ARHGAP24: variants seen among roughly 807,000 people sequenced by gnomAD.
ARHGAP24 encodes Rho GTPase activating protein 24.
In ARHGAP24, 50 loss-of-function variants were observed where a neutral mutation model predicts 76.4. The ratio of observed to expected loss-of-function variants is 0.65; its 90% CI spans 0.52 to 0.83. The LOEUF (loss-of-function observed/expected upper bound fraction) is 0.83. Ranked by LOEUF, ARHGAP24 falls within the 40% of genes least tolerant of loss-of-function variation. The pLI is 0.00. For missense variants in ARHGAP24, 930 were observed against 914.2 expected, an observed-to-expected ratio of 1.02 and a Z score of -0.22; for synonymous variants, 345 against 323.3, an observed-to-expected ratio of 1.07 and a Z score of -0.72.
intron 5 of ARHGAP24, among the ~76,000 whole-genome samples, chr4:85,971,630 T>C (rs750587674): frequency 6.6e-6 from 1 of 152,198 alleles, no homozygotes; most frequent in Non-Finnish European, 1.5e-5. Flanking sequence ...ATTCCAATTA[T>C]ACTGTTTTAG....
chr4:85,575,352 A>T (rs1727328766), intron 2 of ARHGAP24, among the ~76,000 whole-genome samples: 2 of 152,204 alleles, frequency 1.3e-5, no homozygotes, highest in Admixed American at 6.5e-5. Flanking sequence ...ACAGGCCACT[A>T]CTATAAACAT....
chr4:85,834,275 T>C (rs938676344), intron 3 of ARHGAP24, among the ~76,000 whole-genome samples: 3 of 152,184 alleles, frequency 2.0e-5, no homozygotes, highest in Non-Finnish European at 4.4e-5. Flanking sequence ...CCTTCTTCCA[T>C]AGGACCTAAC....
chr4:85,899,673 T>C (rs1192659875), intron 3 of ARHGAP24, among the ~76,000 whole-genome samples: 1 of 152,202 alleles, frequency 6.6e-6, no homozygotes, highest in Non-Finnish European at 1.5e-5. Context: ...AATTTGTAAG[T>C]GTAGCTTCTT....
intron 3 of ARHGAP24, among the ~76,000 whole-genome samples, chr4:85,814,901 C>G (rs1438369878): frequency 1.3e-5 from 2 of 152,222 alleles, no homozygotes; most frequent in African/African-American, 2.4e-5. Flanking sequence ...AACCTTCTGC[C>G]TGAGCATCCA....
intron 5 of ARHGAP24, among the ~76,000 whole-genome samples, chr4:85,946,366 G>A (rs1167440631): frequency 6.6e-6 from 1 of 152,052 alleles, no homozygotes; most frequent in Non-Finnish European, 1.5e-5. Context: ...TTGCGTACAG[G>A]TTTGTTACAA....
chr4:85,863,475 G>T (rs774728080), intron 3 of ARHGAP24, among the ~76,000 whole-genome samples: 3 of 151,954 alleles, frequency 2.0e-5, no homozygotes, highest in Non-Finnish European at 4.4e-5. Context: ...GAAGTCAAAG[G>T]CAAGGTCTAC....
intron 1 of ARHGAP24, among the ~76,000 whole-genome samples, chr4:85,529,997 A>G (rs1725191083): frequency 6.6e-6 from 1 of 151,960 alleles, no homozygotes; most frequent in Admixed American, 6.6e-5. Flanking sequence ...ATATTCAATT[A>G]ATATTTGTCA....
chr4:85,897,432 C>G (rs1287934677), intron 3 of ARHGAP24, among the ~76,000 whole-genome samples: 2 of 152,100 alleles, frequency 1.3e-5, no homozygotes, highest in African/African-American at 2.4e-5. Flanking sequence ...GTTCAGTCAC[C>G]TGTTGATGGG....
At chr4:85,610,552 AC>A (rs67553148) in intron 2 of ARHGAP24, among the ~76,000 whole-genome samples, 90,296 of 150,906 alleles carry the variant, frequency 0.6, 27,908 homozygotes, top group African/African-American at 0.65. Context: ...ACAGAAATAG[AC>A]AAAATGCAAA....
chr4:85,995,517 T>A lies in ARHGAP24; in HGVS notation c.1863T>A (p.Ser621Arg). 1 of 1,604,754 alleles carries A rather than the reference T, an allele frequency of 6.2e-7. No homozygotes were observed. The highest frequency in any genetic ancestry group is 8.5e-7 in the Non-Finnish European group (1 of 1,174,576). Residue 621 changes from serine (S) to arginine (R), a missense_variant, in exon 9 of 10, where the codon AGT becomes AGA. By Grantham distance (110) the Ser-to-Arg change is moderately radical. Coordinates refer to ENST00000395184, the MANE Select transcript of ARHGAP24 (RefSeq NM_001025616.3). ...ACAGGAGTGTGGGAGGTCGAAGTAG[T>A]CGTGCCACCAGTAGCAGTGACAACA... ...SDHRSVGGRS[S>R]RATSSSDNSE...
In ARHGAP24 at chr4:85,739,316, A is replaced by G. The variant is rs566344181; in HGVS notation, c.268+17344A>G. On this transcript the variant is annotated intron_variant, in intron 3 of 9. Coordinates refer to ENST00000395184, the MANE Select transcript of ARHGAP24 (RefSeq NM_001025616.3). ...CTGAACGAAAAGCTTAGGACTTGCC[A>G]TAAGTCAGGGCATTATCCTTGCATC... Among the ~76,000 whole-genome samples, 9 of 152,318 alleles carry G rather than the reference A, an allele frequency of 5.9e-5. No homozygotes were observed. In the East Asian group the frequency reaches 1.2e-3, roughly 20 times the overall value.
chr4:85,683,882 C>A (rs1476025523), intron 2 of ARHGAP24, among the ~76,000 whole-genome samples: 1 of 152,108 alleles, frequency 6.6e-6, no homozygotes, highest in Non-Finnish European at 1.5e-5. Context: ...GCTTATTTAA[C>A]TTAGCATAAT....
intron 1 of ARHGAP24, among the ~76,000 whole-genome samples, chr4:85,539,646 G>T (rs1007081426): frequency 6.6e-6 from 1 of 151,872 alleles, no homozygotes; most frequent in Non-Finnish European, 1.5e-5. Flanking sequence ...AATTTAAATT[G>T]CTTAAGTGAA....
chr4:85,546,343 A>G (rs1187053065), intron 1 of ARHGAP24, among the ~76,000 whole-genome samples: 1 of 152,142 alleles, frequency 6.6e-6, no homozygotes, highest in Non-Finnish European at 1.5e-5. Context: ...AAAAGATAAG[A>G]TGCTAAAATG....
At chr4:85,795,710 G>C (rs1336351108) in intron 3 of ARHGAP24, among the ~76,000 whole-genome samples, 8 of 150,792 alleles carry the variant, frequency 5.3e-5, no homozygotes, top group African/African-American at 1.7e-4. Flanking sequence ...AAATAGGGGA[G>C]ATATTTTCAG....
At chr4:85,936,450 C>T (rs1736637643) in intron 4 of ARHGAP24, among the ~76,000 whole-genome samples, 1 of 152,002 alleles carries the variant, frequency 6.6e-6, no homozygotes, top group Non-Finnish European at 1.5e-5. Context: ...CTTTGGAGTC[C>T]TTTATACCTG....
chr4:85,487,610 A>G (rs1328784418), intron 1 of ARHGAP24, among the ~76,000 whole-genome samples: 1 of 104,258 alleles, frequency 9.6e-6, no homozygotes, highest in Admixed American at 1.4e-4. Context: ...TTATTATATT[A>G]TATAAACATA....
chr4:85,839,829 CTTTTTTCTGTTTTCTTTTTTTTTTTT>C (rs1171857684), intron 3 of ARHGAP24, among the ~76,000 whole-genome samples: 1 of 131,182 alleles, frequency 7.6e-6, no homozygotes, highest in Admixed American at 7.9e-5. Context: ...TACCAAGTGT[CTTTTTTCTGTTTTCTTTTTTTTTTTT>C]TTTTTTTTTT....
At chr4:85,709,547 G>A (rs1256401723) in intron 2 of ARHGAP24, among the ~76,000 whole-genome samples, 1 of 151,964 alleles carries the variant, frequency 6.6e-6, no homozygotes, top group Non-Finnish European at 1.5e-5. Context: ...CATATTAAAA[G>A]CATCCATTTT....
Sources: allele counts gnomAD v4.1 joint callset (sites outside exome capture counted in the v4.1 genomes callset), GRCh38; gene constraint gnomAD v4.1.1; transcripts MANE v1.5; gene names NCBI Gene and HGNC (gene_info 2026-07-23, HGNC 2026-07-21).